Variants in SYTL5 observed in about 807,000 individuals in gnomAD.
The protein encoded by SYTL5 is synaptotagmin like 5.
SYTL5 carries 34 observed loss-of-function variants against 55.9 expected under a neutral mutation model. That is an observed-to-expected ratio of 0.61 (90% CI 0.46 to 0.81). The LOEUF is 0.81. Among genes scored for constraint, SYTL5 ranks in the 30% least tolerant of loss-of-function variants. The pLI, the probability that SYTL5 is intolerant of heterozygous loss-of-function variation, is 0.00. For synonymous variants in SYTL5, 221 were observed against 188.7 expected, an observed-to-expected ratio of 1.17 and a Z score of -1.40; for missense variants, 637 against 546.7, an observed-to-expected ratio of 1.17 and a Z score of -1.65.
the SYTL5 span, among the ~76,000 whole-genome samples, chrX:37,982,414 A>T: frequency 8.9e-6 from 1 of 112,315 alleles, no homozygotes; most frequent in South Asian, 3.7e-4. Context: ...TAAAAAAATT[A>T]AAGAAAGTTC....
the SYTL5 span, among the ~76,000 whole-genome samples, chrX:37,950,832 T>C: frequency 2.2e-3 from 242 of 111,595 alleles, 1 homozygote; most frequent in African/African-American, 7.5e-3. Context: ...TGGAAACATA[T>C]CTTGATATGT....
intron 8 of SYTL5, among the ~76,000 whole-genome samples, chrX:38,094,887 T>C (rs765104402): frequency 2.7e-5 from 3 of 111,717 alleles, no homozygotes; most frequent in Non-Finnish European, 5.7e-5. Context: ...TATTAATAAT[T>C]ACCCCTTTCA....
chrX:37,946,580 G>A, the SYTL5 span: 2 of 161,508 alleles, frequency 1.2e-5, no homozygotes, highest in South Asian at 1.3e-4. Context: ...GATGCCCATC[G>A]TGGTTATGAT....
intron 2 of SYTL5, among the ~76,000 whole-genome samples, chrX:38,053,997 G>A (rs1168524830): frequency 8.9e-6 from 1 of 111,891 alleles, no homozygotes; most frequent in African/African-American, 3.3e-5. Flanking sequence ...CCTTCCAAAT[G>A]AAAATATCTC....
chrX:37,972,862 C>T, the SYTL5 span, among the ~76,000 whole-genome samples: 853 of 104,206 alleles, frequency 8.2e-3, 11 homozygotes, highest in African/African-American at 0.027. Context: ...TGTCTAAAGA[C>T]CTGGGATCCA....
chrX:37,955,778 G>T, the SYTL5 span, among the ~76,000 whole-genome samples: 2 of 111,780 alleles, frequency 1.8e-5, no homozygotes, highest in Non-Finnish European at 1.9e-5. Context: ...TTGGGCTTTG[G>T]TAAGGACTCC....
intron 3 of SYTL5, among the ~76,000 whole-genome samples, chrX:38,063,161 T>C (rs1936003291): frequency 9.0e-6 from 1 of 111,237 alleles, no homozygotes; most frequent in Admixed American, 9.6e-5. Flanking sequence ...TCTGGTCATC[T>C]TTGGCCTGAT....
At chrX:38,020,741 T>G (rs968703410) in intron 1 of SYTL5, among the ~76,000 whole-genome samples, 61 of 110,197 alleles carry the variant, frequency 5.5e-4, no homozygotes, top group African/African-American at 1.8e-3. Context: ...TTAACTTCAT[T>G]GAGAATAGAA....
chrX:38,024,680 T>C (rs1014092360), intron 1 of SYTL5, among the ~76,000 whole-genome samples: 3 of 111,221 alleles, frequency 2.7e-5, no homozygotes, highest in Admixed American at 9.6e-5. Context: ...ATCTATAAAA[T>C]AGGAATAATA....
At chrX:37,984,751 C>T in the SYTL5 span, among the ~76,000 whole-genome samples, 1 of 110,961 alleles carries the variant, frequency 9.0e-6, no homozygotes, top group Non-Finnish European at 1.9e-5. Context: ...ATAATAGGAA[C>T]TTGAATCCAG....
At chrX:37,920,783 A>C in the SYTL5 span, among the ~76,000 whole-genome samples, 1 of 111,447 alleles carries the variant, frequency 9.0e-6, no homozygotes, top group African/African-American at 3.3e-5. Flanking sequence ...TCCCTACATC[A>C]GTGCCATATG....
chrX:38,016,176 C>T (rs1401886239), intron 1 of SYTL5, among the ~76,000 whole-genome samples: 4 of 111,909 alleles, frequency 3.6e-5, no homozygotes, highest in Non-Finnish European at 7.5e-5. Context: ...TTTTTAATGT[C>T]ATCGGTAAAA....
the SYTL5 span, among the ~76,000 whole-genome samples, chrX:37,949,111 T>C: frequency 9.0e-6 from 1 of 111,426 alleles, no homozygotes; most frequent in Non-Finnish European, 1.9e-5. Context: ...TTTCCTATTC[T>C]CCCCTGCCAA....
intron 13 of SYTL5, among the ~76,000 whole-genome samples, chrX:38,119,705 C>A (rs902080750): frequency 8.9e-6 from 1 of 112,132 alleles, no homozygotes; most frequent in East Asian, 2.8e-4. Flanking sequence ...ACCAAGAGTG[C>A]AATTTCTGGT....
chrX:37,967,849 C>G, the SYTL5 span, among the ~76,000 whole-genome samples: 1 of 108,517 alleles, frequency 9.2e-6, no homozygotes, highest in Admixed American at 1.0e-4. Flanking sequence ...AGTCTTCCTT[C>G]TTTGGCCTCC....
chrX:38,087,107 C>T (rs527671405), intron 6 of SYTL5, among the ~76,000 whole-genome samples: 9 of 111,143 alleles, frequency 8.1e-5, no homozygotes, highest in African/African-American at 2.9e-4. Context: ...GAGGACCTTC[C>T]GCACACACAC....
chrX:37,991,141 A>G, the SYTL5 span: 1 of 1,211,426 alleles, frequency 8.3e-7, no homozygotes, highest in Non-Finnish European at 1.1e-6. Context: ...GCTGAGAGTG[A>G]TGTGACTCGC....
chrX:38,028,631 C>T (rs1245815638), intron 1 of SYTL5, among the ~76,000 whole-genome samples: 1 of 111,919 alleles, frequency 8.9e-6, no homozygotes, highest in African/African-American at 3.2e-5. Flanking sequence ...CTTCTATTAG[C>T]TCAATCCATG....
intron 3 of SYTL5, among the ~76,000 whole-genome samples, chrX:38,063,253 A>G (rs889822869): frequency 1.1e-4 from 12 of 111,621 alleles, no homozygotes; most frequent in African/African-American, 3.9e-4. Flanking sequence ...GCTACAAGGG[A>G]AAGATTCATA....
Sources: allele counts gnomAD v4.1 joint callset (sites outside exome capture counted in the v4.1 genomes callset), GRCh38; gene constraint gnomAD v4.1.1; transcripts MANE v1.5; gene names NCBI Gene and HGNC (gene_info 2026-07-23, HGNC 2026-07-21).